Variants in TRPM1 observed in about 807,000 individuals in gnomAD.
The protein encoded by TRPM1 is TRPM1-203 APA Isoform, Intron 10.
Under a neutral mutation model 149.4 loss-of-function variants are expected in TRPM1, and 113 were observed. The ratio of observed to expected loss-of-function variants is 0.76; its 90% CI spans 0.65 to 0.88. The LOEUF is 0.88. Among genes scored for constraint, TRPM1 ranks in the 40% least tolerant of loss-of-function variants. TRPM1 has a pLI of 0.00. For missense variants in TRPM1, 1,976 were observed against 2,038.7 expected, an observed-to-expected ratio of 0.97 and a Z score of 0.59; for synonymous variants, 741 against 759.5, an observed-to-expected ratio of 0.98 and a Z score of 0.40.
intron 1 of TRPM1, among the ~76,000 whole-genome samples, chr15:31,155,032 G>A (rs994706496): frequency 1.3e-5 from 2 of 152,178 alleles, no homozygotes; most frequent in Non-Finnish European, 2.9e-5. Context: ...CAATTCCCCT[G>A]TCTCCATGAA....
intron 1 of TRPM1, among the ~76,000 whole-genome samples, chr15:31,121,123 A>G (rs1445909616): frequency 6.8e-6 from 1 of 147,744 alleles, no homozygotes; most frequent in African/African-American, 2.5e-5. Flanking sequence ...GCTACTTGGG[A>G]GGCCAAGGCA....
chr15:31,069,468 TGGGCATGTA>T (rs1364517014), intron 4 of TRPM1: 2 of 1,039,786 alleles, frequency 1.9e-6, no homozygotes, highest in African/African-American at 3.4e-5. Context: ...AGTCTGTGAC[TGGGCATGTA>T]GGAGTGTAAT....
chr15:31,145,036 T>C (rs993865707), intron 1 of TRPM1, among the ~76,000 whole-genome samples: 24 of 152,206 alleles, frequency 1.6e-4, no homozygotes, highest in Admixed American at 6.5e-5. Context: ...TTTTGAGTTT[T>C]TATTATCTGT....
intron 25 of TRPM1, 126 bp from the exon 26 acceptor site, chr15:31,027,243 C>T (rs2032815354): frequency 2.4e-6 from 2 of 826,630 alleles, no homozygotes; most frequent in Non-Finnish European, 3.9e-6. Context: ...CCCTTTAGTA[C>T]TGATTCCTTG....
chr15:31,129,430 T>C (rs1463205956), intron 1 of TRPM1, among the ~76,000 whole-genome samples: 2 of 152,204 alleles, frequency 1.3e-5, no homozygotes, highest in African/African-American at 4.8e-5. Flanking sequence ...TCACCGCCTA[T>C]GAGCCCCGGT....
At chr15:31,089,933 G>T (rs11855260) in intron 1 of TRPM1, among the ~76,000 whole-genome samples, 27,364 of 152,124 alleles carry the variant, frequency 0.18, 2,797 homozygotes, top group Admixed American at 0.28. Context: ...AGCACCGTGT[G>T]GGGGTGGGAA....
chr15:31,128,115 C>T (rs1430024290), intron 1 of TRPM1, among the ~76,000 whole-genome samples: 1 of 152,134 alleles, frequency 6.6e-6, no homozygotes, highest in Non-Finnish European at 1.5e-5. Context: ...CTGACCAGTG[C>T]GTTAACCACA....
intron 1 of TRPM1, among the ~76,000 whole-genome samples, chr15:31,155,518 C>T (rs551228477): frequency 1.4e-4 from 22 of 152,192 alleles, no homozygotes; most frequent in East Asian, 1.2e-3. Context: ...GGCTCGCTTG[C>T]GAAGTATCAA....
intron 1 of TRPM1, among the ~76,000 whole-genome samples, chr15:31,089,282 C>T (rs1176892133): frequency 3.4e-5 from 5 of 146,770 alleles, no homozygotes; most frequent in Non-Finnish European, 7.4e-5. Flanking sequence ...GGTGGGCCAA[C>T]ATTGCCCGGG....
rs372307634 is a variant in TRPM1, at chr15:31,060,653, G to A, written c.1163-9C>T. 4 of 1,612,702 alleles carry A rather than the reference G, an allele frequency of 2.5e-6. No individual in the cohort carries two copies. In the African/African-American group the frequency reaches 4.0e-5, roughly 16 times the overall value. On this transcript the variant is annotated splice_polypyrimidine_tract_variant and intron_variant, in intron 10 of 27. Transcript: ENST00000256552. ...AGCAGATACGTTTGTTCCTGGAAAG[G>A]CAAGAAACCGGAATGATTTTTCACT... is the stretch of plus-strand genomic sequence containing the variant.
chr15:31,026,215 C>A lies in TRPM1; in HGVS notation c.3553G>T (p.Val1185Leu), dbSNP rs771496427. The A allele has an allele frequency of 2.2e-5, 35 of 1,612,576 alleles. No homozygotes were observed. The highest frequency in any genetic ancestry group is 2.9e-5 in the Non-Finnish European group (34 of 1,180,014). The change falls in exon 27 of 28, where the codon GTG becomes TTG. Residue 1185 changes from valine (V) to leucine (L), a missense_variant. Val to Leu is a conservative substitution (Grantham distance 32, BLOSUM62 1). Coordinates refer to ENST00000256552, the MANE Select transcript of TRPM1 (RefSeq NM_001252024.2). ...KRLHEFEEQC[V>L]QEHFREKEDE... ...TCCTTCTCCCGGAAGTGCTCCTGCA[C>A]GCACTGCTCCTCGAACTCATGCAGC...
rs575810447 is a variant in TRPM1 at position 31,066,578 on chromosome 15, G to T, written c.619-331C>A. Among the ~76,000 whole-genome samples the T allele has an allele frequency of 5.9e-5, 9 of 152,252 alleles. No homozygotes were observed. In the East Asian group the frequency reaches 1.7e-3, roughly 29 times the overall value. On this transcript the variant is annotated intron_variant, in intron 6 of 27. Coordinates refer to ENST00000256552, the MANE Select transcript of TRPM1 (RefSeq NM_001252024.2). The stretch of plus-strand genomic sequence containing the variant: ...GTTCCTCAACAGACAAATGGTTAAA[G>T]AAACTGGTGCCTCCATATCATGGGA...
rs544752312 is a variant in TRPM1 at position 31,001,594 on chromosome 15, G to A, written c.*228C>T. On this transcript the variant is annotated 3_prime_UTR_variant, in exon 28 of 28. Coordinates refer to ENST00000256552, the MANE Select transcript of TRPM1 (RefSeq NM_001252024.2). ...TATACTGATTAGCCAATTTATCTTCGTTACAGTATCATCACTTTCATTTGA... is the reference window on the plus strand; with the variant it reads ...TATACTGATTAGCCAATTTATCTTCATTACAGTATCATCACTTTCATTTGA... The A allele has an allele frequency of 8.7e-5, 52 of 594,990 alleles. No homozygotes were observed. Among genetic ancestry groups the A allele is most frequent in the African/African-American group, 3.5e-4 (19 of 53,652 alleles). The allele number at this position is 594,990 out of a possible 1,614,324, so 36.9% of individuals were successfully genotyped here. A position where few individuals can be genotyped will look rare whatever the true frequency, so the allele number is the denominator to read the frequency against.
chr15:31,047,991 G>T, intron 13 of TRPM1, 52 bp from the exon 14 acceptor site: 2 of 1,520,526 alleles, frequency 1.3e-6, no homozygotes, highest in South Asian at 2.2e-5. Flanking sequence ...GGCCAGGCGC[G>T]GTGGCTCACG....
At position 31,037,773 on chromosome 15, in the gene TRPM1, G is replaced by C; in HGVS notation, c.2509C>G (p.Pro837Ala). 1 of 1,614,188 alleles carries C rather than the reference G, an allele frequency of 6.2e-7. No individual in the cohort carries two copies. Among genetic ancestry groups the C allele is most frequent in the Non-Finnish European group, 8.5e-7 (1 of 1,180,034 alleles). The change falls in exon 20 of 28, where the codon CCC (proline) becomes GCC (alanine). Residue 837 changes from proline (P) to alanine (A), a missense_variant. Physicochemically the swap from Pro to Ala is conservative, Grantham distance 27. Coordinates refer to ENST00000256552, the MANE Select transcript of TRPM1 (RefSeq NM_001252024.2). ...AATTCACAGATCTTTGTTCCGATGGGAATACTTCTCTGTTTTTTGTGCTCG... is the reference window on the plus strand; with the variant it reads ...AATTCACAGATCTTTGTTCCGATGGCAATACTTCTCTGTTTTTTGTGCTCG... ...ENEHKKQRSIPIGTKICEFYN... is the reference protein window; with the variant it reads ...ENEHKKQRSIAIGTKICEFYN...
At chr15:31,017,620 A>C (rs955765947) in intron 27 of TRPM1, among the ~76,000 whole-genome samples, 4 of 152,254 alleles carry the variant, frequency 2.6e-5, no homozygotes, top group African/African-American at 9.6e-5. Context: ...TGAACTGTAA[A>C]TGCTACACAA....
chr15:31,158,871 T>C (rs115818759), intron 1 of TRPM1, among the ~76,000 whole-genome samples: 1,695 of 152,262 alleles, frequency 0.011, 34 homozygotes, highest in African/African-American at 0.039. Flanking sequence ...CCCTTTGTTC[T>C]CCAGATATCC....
Position 31,065,038 on chromosome 15 carries a change from G to C in TRPM1, c.790+1038C>G, listed in dbSNP as rs752192389. The C allele has an allele frequency of 2.2e-5, 12 of 534,558 alleles. No homozygotes were observed. The Admixed American group carries it at 2.3e-4, about 10-fold the overall frequency. The allele number at this position is 534,558 out of a possible 1,614,324, so 33.1% of individuals were successfully genotyped here. A position where few individuals can be genotyped will look rare whatever the true frequency, so the allele number is the denominator to read the frequency against. On this transcript the variant is annotated intron_variant, in intron 7 of 27. Transcript: ENST00000256552. ...TAGGCTGGAGTCCTCGAAGCTCCGTGCTGTGGGAAGTGACAACTGAGCACC... is the reference window on the plus strand; with the variant it reads ...TAGGCTGGAGTCCTCGAAGCTCCGTCCTGTGGGAAGTGACAACTGAGCACC...
chr15:31,113,485 T>C (rs1271085609), intron 1 of TRPM1, among the ~76,000 whole-genome samples: 4 of 151,082 alleles, frequency 2.6e-5, no homozygotes, highest in African/African-American at 9.9e-5. Flanking sequence ...GGTCAAACAA[T>C]ATCTTAAAGA....
Sources: gnomAD v4.1 joint callset for allele counts (sites outside exome capture counted in the v4.1 genomes callset) on GRCh38, gnomAD v4.1.1 for gene constraint, MANE v1.5 for transcripts, NCBI Gene and HGNC (gene_info 2026-07-23, HGNC 2026-07-21) for gene names.